Variants in GADL1 observed in about 807,000 individuals in gnomAD.
GADL1 encodes the protein acidic amino acid decarboxylase GADL1.
Under a neutral mutation model 69.5 loss-of-function variants are expected in GADL1, and 71 were observed. The observed-to-expected ratio is 1.02, with a 90% CI of 0.84 to 1.25. The LOEUF (loss-of-function observed/expected upper bound fraction) is 1.25. Among genes scored for constraint, GADL1 ranks in the 50% most tolerant of loss-of-function variants. The pLI is 0.00. For synonymous variants in GADL1, 254 were observed against 214.4 expected, an observed-to-expected ratio of 1.18 and a Z score of -1.62; for missense variants, 737 against 631.8, an observed-to-expected ratio of 1.17 and a Z score of -1.79.
At chr3:30,766,780 G>A (rs893325017) in intron 14 of GADL1, among the ~76,000 whole-genome samples, 1 of 151,682 alleles carries the variant, frequency 6.6e-6, no homozygotes, top group Non-Finnish European at 1.5e-5. Flanking sequence ...CAGAGGACAA[G>A]GTAAGAAGGT....
chr3:30,884,458 C>A (rs756065280), intron 1 of GADL1, among the ~76,000 whole-genome samples: 5 of 151,992 alleles, frequency 3.3e-5, no homozygotes, highest in Non-Finnish European at 7.4e-5. Context: ...TTCCCTAAAT[C>A]CACGAGAGAT....
intron 14 of GADL1, among the ~76,000 whole-genome samples, chr3:30,761,944 T>A (rs1330230479): frequency 6.6e-6 from 1 of 152,094 alleles, no homozygotes; most frequent in Non-Finnish European, 1.5e-5. Flanking sequence ...ATATAATATC[T>A]GGGGCCGTGG....
At chr3:30,802,020 G>T (rs1228876636) in intron 11 of GADL1, among the ~76,000 whole-genome samples, 1 of 152,144 alleles carries the variant, frequency 6.6e-6, no homozygotes, top group Non-Finnish European at 1.5e-5. Context: ...ACTTTCAAAA[G>T]AATATATGCA....
chr3:30,754,736 T>A, intron 14 of GADL1, among the ~76,000 whole-genome samples: 1 of 152,118 alleles, frequency 6.6e-6, no homozygotes, highest in East Asian at 1.9e-4. Context: ...AATTAAGCAG[T>A]GAGATGTTTA....
At chr3:30,834,392 T>G in intron 9 of GADL1, 111 bp from the exon 10 acceptor site, 1 of 852,770 alleles carries the variant, frequency 1.2e-6, no homozygotes. Flanking sequence ...TATTTGATAT[T>G]TTATGTCATG....
chr3:30,810,830 A>T (rs1697337497), intron 11 of GADL1, among the ~76,000 whole-genome samples: 1 of 152,058 alleles, frequency 6.6e-6, no homozygotes, highest in Non-Finnish European at 1.5e-5. Context: ...AGGAAATAGC[A>T]GCCTTCCACG....
intron 1 of GADL1, among the ~76,000 whole-genome samples, chr3:30,868,761 G>A (rs1280237198): frequency 6.6e-6 from 1 of 151,912 alleles, no homozygotes; most frequent in Non-Finnish European, 1.5e-5. Context: ...GCCAGTAAAA[G>A]CCAAGTTTCC....
chr3:30,818,879 G>A (rs1178825150), intron 11 of GADL1, among the ~76,000 whole-genome samples: 1 of 152,042 alleles, frequency 6.6e-6, no homozygotes, highest in Admixed American at 6.6e-5. Context: ...ATCTGCTATG[G>A]CCTCTGAATG....
intron 9 of GADL1, 24 bp downstream of exon 9, chr3:30,838,973 G>A (rs1440590056): frequency 1.4e-6 from 2 of 1,381,908 alleles, no homozygotes; most frequent in Non-Finnish European, 2.0e-6. Flanking sequence ...GGTTAAACAG[G>A]TATGTACACA....
chr3:30,891,342 G>A (rs760043091), intron 1 of GADL1, among the ~76,000 whole-genome samples: 18 of 152,104 alleles, frequency 1.2e-4, no homozygotes, highest in Non-Finnish European at 2.4e-4. Flanking sequence ...GCCCTACCAT[G>A]AGTGCGAACC....
intron 11 of GADL1, among the ~76,000 whole-genome samples, chr3:30,829,014 CAT>C (rs987506172): frequency 5.3e-5 from 8 of 151,820 alleles, no homozygotes; most frequent in South Asian, 2.1e-4. Flanking sequence ...AAATCTGTCT[CAT>C]AAACACTAAA....
intron 1 of GADL1, among the ~76,000 whole-genome samples, chr3:30,891,654 A>T (rs1197256966): frequency 6.6e-6 from 1 of 152,034 alleles, no homozygotes; most frequent in Non-Finnish European, 1.5e-5. Flanking sequence ...CTTAAAATAA[A>T]AAAAAAAATA....
intron 5 of GADL1, among the ~76,000 whole-genome samples, 195 bp from the exon 6 acceptor site, chr3:30,850,306 G>C (rs1016723431): frequency 3.9e-5 from 6 of 151,940 alleles, no homozygotes; most frequent in Non-Finnish European, 7.4e-5. Flanking sequence ...TCTAATTCTA[G>C]AACTTTTATT....
rs577590856 is a variant in GADL1, at chr3:30,840,158, A to T, written c.787-1045T>A. ...TAGCATGGAGCCATTTTTTCCCCTC[A>T]GTTTTATAAAGTGCATGCTCATTGC... On this transcript the variant is annotated intron_variant, in intron 8 of 14. Transcript: ENST00000282538. 2.0e-5 allele frequency among the ~76,000 whole-genome samples: 3 copies of T among 152,132 alleles called. No homozygotes were observed. The East Asian group carries it at 5.8e-4, about 29-fold the overall frequency.
At chr3:30,743,790 C>G in intron 14 of GADL1, among the ~76,000 whole-genome samples, 1 of 152,156 alleles carries the variant, frequency 6.6e-6, no homozygotes, top group East Asian at 1.9e-4. Context: ...GCCTCATAAC[C>G]CACACACAGG....
At chr3:30,883,060 C>G (rs1269893311) in intron 1 of GADL1, among the ~76,000 whole-genome samples, 1 of 151,902 alleles carries the variant, frequency 6.6e-6, no homozygotes, top group African/African-American at 2.4e-5. Context: ...ACAATATTAT[C>G]CGACGTATTA....
At chr3:30,752,059 C>T (rs1249665247) in intron 14 of GADL1, among the ~76,000 whole-genome samples, 2 of 152,176 alleles carry the variant, frequency 1.3e-5, no homozygotes, top group Non-Finnish European at 1.5e-5. Flanking sequence ...TACCCAGGCC[C>T]ATGTGCTGAA....
intron 11 of GADL1, among the ~76,000 whole-genome samples, chr3:30,817,503 T>A (rs1559508055): frequency 6.6e-6 from 1 of 152,180 alleles, no homozygotes; most frequent in Non-Finnish European, 1.5e-5. Context: ...GCCCTATATC[T>A]TTCAAAATTG....
Position 30,863,027 on chromosome 3 carries a change from T to TCTCA in GADL1, c.38-1263_38-1262insTGAG, listed in dbSNP as rs1553603176. On this transcript the variant is annotated intron_variant, in intron 1 of 14. Transcript: ENST00000282538. ...TCGTAAACATAAGCCCATGTCTGTT[T>TCTCA]CACACACACACACACACACACACAC... Among the ~76,000 whole-genome samples the TCTCA allele has an allele frequency of 5.8e-3, 644 of 110,212 alleles. 4 individuals carry two copies. Among genetic ancestry groups the TCTCA allele is most frequent in the East Asian group, 0.025 (68 of 2,716 alleles). The allele number at this position is 110,212 out of a possible 152,430, so 72.3% of individuals were successfully genotyped here. A position where few individuals can be genotyped will look rare whatever the true frequency, so the allele number is the denominator to read the frequency against.
Sources: gnomAD v4.1 joint callset for allele counts (sites outside exome capture counted in the v4.1 genomes callset) on GRCh38, gnomAD v4.1.1 for gene constraint, MANE v1.5 for transcripts, NCBI Gene and HGNC (gene_info 2026-07-23, HGNC 2026-07-21) for gene names.